The following CNOT6L variants were observed in gnomAD, a reference collection of about 807,000 sequenced individuals.
CNOT6L encodes CCR4-NOT transcription complex subunit 6 like, also known as CCR4-NOT transcription complex subunit 6-like.
CNOT6L carries 7 observed loss-of-function variants against 64.0 expected under a neutral mutation model. That is an observed-to-expected ratio of 0.11 (90% CI 0.06 to 0.21). CNOT6L has a LOEUF of 0.21. Among genes scored for constraint, CNOT6L ranks in the 10% least tolerant of loss-of-function variants. CNOT6L has a pLI of 1.00. For synonymous variants in CNOT6L, 193 were observed against 243.4 expected, an observed-to-expected ratio of 0.79 and a Z score of 1.93; for missense variants, 245 against 669.0, an observed-to-expected ratio of 0.37 and a Z score of 6.99.
intron 4 of CNOT6L, among the ~76,000 whole-genome samples, chr4:77,761,578 T>C (rs1726247910): frequency 6.6e-6 from 1 of 152,186 alleles, no homozygotes; most frequent in Non-Finnish European, 1.5e-5. Flanking sequence ...CATATTCAAC[T>C]TGCATTAATG....
At chr4:77,820,155 C>A (rs1244781878), upstream of CNOT6L, among the ~76,000 whole-genome samples, 1 of 152,036 alleles carries the variant, frequency 6.6e-6, no homozygotes, top group African/African-American at 2.4e-5. Flanking sequence ...CACGTTCACA[C>A]CCCCGAGGGC....
Position 77,718,297 on chromosome 4 carries a change from A to G in CNOT6L, c.*2134T>C, listed in dbSNP as rs1720956958. On this transcript the variant is annotated 3_prime_UTR_variant, in exon 12 of 12. Transcript: ENST00000504123. ...ACCCACCCAAAACAAAAGATCTAAA[A>G]TAAAACATACAGTAGCTGATTACAA... is the stretch of plus-strand genomic sequence containing the variant. 1.3e-5 allele frequency: 2 copies of G among 152,666 alleles called. No homozygotes were observed. Among genetic ancestry groups the G allele is most frequent in the African/African-American group, 4.8e-5 (2 of 41,546 alleles). 9.5% of individuals were successfully genotyped at this position (152,666 alleles called of 1,614,324 possible).
At chr4:77,778,712 G>T (rs533437615) in intron 1 of CNOT6L, among the ~76,000 whole-genome samples, 10 of 151,626 alleles carry the variant, frequency 6.6e-5, no homozygotes, top group African/African-American at 2.2e-4. Context: ...TTACAGGCGT[G>T]AGCCACGGCA....
At chr4:77,798,016 C>T (rs1731065670) in intron 1 of CNOT6L, among the ~76,000 whole-genome samples, 1 of 152,202 alleles carries the variant, frequency 6.6e-6, no homozygotes, top group Admixed American at 6.5e-5. Context: ...AGAACTTTTG[C>T]TCCTTGAAAA....
chr4:77,755,337 C>T (rs1179020108), intron 5 of CNOT6L, among the ~76,000 whole-genome samples: 2 of 139,840 alleles, frequency 1.4e-5, no homozygotes, highest in East Asian at 2.2e-4. Context: ...CTGCCTCAAC[C>T]TCCCAAGTAG....
At chr4:77,801,352 T>C (rs1244755295) in intron 1 of CNOT6L, among the ~76,000 whole-genome samples, 1 of 152,194 alleles carries the variant, frequency 6.6e-6, no homozygotes, top group African/African-American at 2.4e-5. Context: ...ATTTCAATCC[T>C]GCACTCACAA....
chr4:77,733,862 T>C (rs78577447), intron 8 of CNOT6L, among the ~76,000 whole-genome samples: 1,606 of 152,214 alleles, frequency 0.011, 31 homozygotes, highest in African/African-American at 0.037. Context: ...CCACCCTCCA[T>C]GTCTTCTCCG....
Position 77,799,704 on chromosome 4 carries a change from CAAAA to C in CNOT6L, c.5+19596_5+19599del, listed in dbSNP as rs71214370. Among the ~76,000 whole-genome samples the C allele has an allele frequency of 5.5e-5, 5 of 90,916 alleles. No individual in the cohort carries two copies. The South Asian group carries it at 1.8e-3, about 32-fold the overall frequency. 59.6% of individuals were successfully genotyped at this position (90,916 alleles called of 152,430 possible). ...AGGTGAGGGGAGTGAAACTCCATCT[CAAAA>C]AAAAAAAAAAAAAAAGGAACATGTT... On this transcript the variant is annotated intron_variant, in intron 1 of 11. Transcript: ENST00000504123.
In CNOT6L at chr4:77,814,412, TTAAG is replaced by T. The variant is rs1034653966; in HGVS notation, c.5+4888_5+4891del. Among the ~76,000 whole-genome samples, 130 of 152,310 alleles carry T rather than the reference TTAAG, an allele frequency of 8.5e-4. 1 individual carries two copies. Among genetic ancestry groups the T allele is most frequent in the African/African-American group, 3.1e-3 (128 of 41,576 alleles). On this transcript the variant is annotated intron_variant, in intron 1 of 11. Transcript: ENST00000504123. ...AAGTTGTCCAAAAAAAAGCAACCCTTTAAGTAATTCCTGACCCAATTGACATTCC... is the reference window on the plus strand; with the variant it reads ...AAGTTGTCCAAAAAAAAGCAACCCTTTAATTCCTGACCCAATTGACATTCC...
At chr4:77,819,085 T>G (rs1560446029) in intron 1 of CNOT6L, 5 of 303,128 alleles carry the variant, frequency 1.6e-5, no homozygotes, top group Non-Finnish European at 2.2e-5. Context: ...CCCCGGAACC[T>G]TCGCCCGCCT....
Position 77,754,888 on chromosome 4 carries a change from TAAAAAA to T in CNOT6L, c.490+1968_490+1973del. On this transcript the variant is annotated intron_variant, in intron 5 of 11. Coordinates refer to ENST00000504123, the MANE Select transcript of CNOT6L (RefSeq NM_144571.3). Reference sequence around the variant, plus strand: ...AAAACCTAATTCTAAACATTAGAAGTAAAAAAAAAAAAAAAAAAAAAAAAACCGGTT... The same window carrying T: ...AAAACCTAATTCTAAACATTAGAAGTAAAAAAAAAAAAAAAAAAACCGGTT... Among the ~76,000 whole-genome samples, 24 of 36,954 alleles carry T rather than the reference TAAAAAA, an allele frequency of 6.5e-4. 1 individual carries two copies. Among genetic ancestry groups the T allele is most frequent in the Middle Eastern group, 0.025 (1 of 40 alleles). 24.2% of individuals were successfully genotyped at this position (36,954 alleles called of 152,430 possible).
chr4:77,778,255 A>T (rs1388318691), intron 1 of CNOT6L, among the ~76,000 whole-genome samples: 1 of 152,204 alleles, frequency 6.6e-6, no homozygotes, highest in Non-Finnish European at 1.5e-5. Flanking sequence ...TTGGGTAATA[A>T]TAAAAGAGTC....
chr4:77,807,908 C>A (rs1732440439), intron 1 of CNOT6L, among the ~76,000 whole-genome samples: 1 of 152,110 alleles, frequency 6.6e-6, no homozygotes, highest in Non-Finnish European at 1.5e-5. Context: ...GAAATAATAT[C>A]AACTTTACCA....
intron 1 of CNOT6L, among the ~76,000 whole-genome samples, chr4:77,783,392 T>C (rs1430720350): frequency 2.6e-5 from 4 of 152,236 alleles, no homozygotes; most frequent in Non-Finnish European, 5.9e-5. Flanking sequence ...TTCACAGCAC[T>C]ACTTGAAAAA....
chr4:77,803,192 C>A (rs1165148552), intron 1 of CNOT6L, among the ~76,000 whole-genome samples: 1 of 150,744 alleles, frequency 6.6e-6, no homozygotes, highest in Non-Finnish European at 1.5e-5. Flanking sequence ...AGGCAAATCA[C>A]AAAAGAATGC....
intron 1 of CNOT6L, among the ~76,000 whole-genome samples, chr4:77,810,027 TTGTATC>T (rs1025925086): frequency 1.3e-4 from 19 of 151,776 alleles, no homozygotes; most frequent in African/African-American, 4.1e-4. Flanking sequence ...TAATAATAAA[TTGTATC>T]TGTATCAAAA....
At chr4:77,800,500 G>A (rs1195092278) in intron 1 of CNOT6L, among the ~76,000 whole-genome samples, 1 of 151,646 alleles carries the variant, frequency 6.6e-6, no homozygotes, top group Non-Finnish European at 1.5e-5. Flanking sequence ...GACAAAGCAA[G>A]ACCCTGTCTC....
At chr4:77,754,888 T>TAAAAAAAAAAAAAGAAAAAAAA (rs1725297011) in intron 5 of CNOT6L, among the ~76,000 whole-genome samples, 1 of 36,956 alleles carries the variant, frequency 2.7e-5, no homozygotes, top group Non-Finnish European at 4.7e-5. Flanking sequence ...ACATTAGAAG[T>TAAAAAAAAAAAAAGAAAAAAAA]AAAAAAAAAA....
chr4:77,794,243 C>A (rs1730528043), intron 1 of CNOT6L, among the ~76,000 whole-genome samples: 1 of 149,176 alleles, frequency 6.7e-6, no homozygotes, highest in Non-Finnish European at 1.5e-5. Context: ...CCTTGGTTGG[C>A]CTTTATGGAA....
Sources: allele counts gnomAD v4.1 joint callset (sites outside exome capture counted in the v4.1 genomes callset), GRCh38; gene constraint gnomAD v4.1.1; transcripts MANE v1.5; gene names NCBI Gene and HGNC (gene_info 2026-07-23, HGNC 2026-07-21).